Variants in CFTR observed in about 807,000 individuals in gnomAD.
The protein encoded by CFTR is cystic fibrosis transmembrane conductance regulator.
In CFTR, 181 loss-of-function variants were observed where a neutral mutation model predicts 171.6. The ratio of observed to expected loss-of-function variants is 1.05; its 90% CI spans 0.93 to 1.19. The LOEUF is 1.19. Among genes scored for constraint, CFTR ranks in the 50% most tolerant of loss-of-function variants. The pLI is 0.00. For synonymous variants in CFTR, 583 were observed against 608.0 expected, an observed-to-expected ratio of 0.96 and a Z score of 0.60; for missense variants, 1,968 against 1,734.7, an observed-to-expected ratio of 1.13 and a Z score of -2.39.
At position 117,559,460 on chromosome 7, in the gene CFTR, C is replaced by T; in HGVS notation, c.1393-4C>T. The T allele has an allele frequency of 6.3e-7, 1 of 1,591,128 alleles. No individual in the cohort carries two copies. ...GACCTAATAATGATGGGTTTTATTTCCAGACTTCACTTCTAATGGTGATTA... is the reference window on the plus strand; with the variant it reads ...GACCTAATAATGATGGGTTTTATTTTCAGACTTCACTTCTAATGGTGATTA... On this transcript the variant is annotated splice_region_variant and splice_polypyrimidine_tract_variant and intron_variant, in intron 10 of 26. Transcript: ENST00000003084.
At position 117,642,937 on chromosome 7, in the gene CFTR, G is replaced by A. The variant is rs187882732; in HGVS notation, c.3873+344G>A. ...ATCGCCAGGTTGAGAAATGCTTTGC[G>A]AGACATAACAGATGCTCCTGAAATA... On this transcript the variant is annotated intron_variant, in intron 23 of 26. Coordinates refer to ENST00000003084, the MANE Select transcript of CFTR (RefSeq NM_000492.4). Among the ~76,000 whole-genome samples, 365 of 152,254 alleles carry A rather than the reference G, an allele frequency of 2.4e-3. 1 individual carries two copies. Among genetic ancestry groups the A allele is most frequent in the South Asian group, 5.2e-3 (25 of 4,828 alleles).
intron 21 of CFTR, among the ~76,000 whole-genome samples, chr7:117,621,914 C>T (rs951283837): frequency 6.6e-6 from 1 of 152,138 alleles, no homozygotes; most frequent in Non-Finnish European, 1.5e-5. Context: ...ACCATGTTTA[C>T]CAAAGTTCTT....
intron 21 of CFTR, 96 bp downstream of exon 21, chr7:117,614,809 G>A: frequency 2.6e-6 from 2 of 783,352 alleles, no homozygotes; most frequent in Non-Finnish European, 4.5e-6. Flanking sequence ...ACCGTATATT[G>A]AGCTTAAGAA....
chr7:117,522,745 A>G (rs1030686716), intron 3 of CFTR, among the ~76,000 whole-genome samples: 5 of 152,172 alleles, frequency 3.3e-5, no homozygotes, highest in Non-Finnish European at 7.3e-5. Flanking sequence ...TATAGGGACT[A>G]TGTTTCTCCC....
At chr7:117,567,679 A>G (rs1409271293) in intron 11 of CFTR, among the ~76,000 whole-genome samples, 1 of 152,218 alleles carries the variant, frequency 6.6e-6, no homozygotes, top group Non-Finnish European at 1.5e-5. Flanking sequence ...TATGATTTAC[A>G]GATATTTGGG....
At chr7:117,618,909 A>G (rs1230582320) in intron 21 of CFTR, among the ~76,000 whole-genome samples, 1 of 152,178 alleles carries the variant, frequency 6.6e-6, no homozygotes, top group East Asian at 1.9e-4. Context: ...GGAACACCCC[A>G]TGTTAGGGGA....
intron 22 of CFTR, among the ~76,000 whole-genome samples, chr7:117,631,278 C>T (rs1244243137): frequency 2.0e-5 from 3 of 152,140 alleles, no homozygotes; most frequent in African/African-American, 2.4e-5. Context: ...GCTACAGGAG[C>T]ATCTTTTGTT....
intron 12 of CFTR, among the ~76,000 whole-genome samples, chr7:117,588,174 G>A (rs568031379): frequency 2.0e-4 from 30 of 152,076 alleles, no homozygotes; most frequent in African/African-American, 7.2e-4. Context: ...CATAGACCCT[G>A]CCACTCCAAT....
At chr7:117,510,358 G>T (rs1282321037) in intron 3 of CFTR, among the ~76,000 whole-genome samples, 1 of 152,042 alleles carries the variant, frequency 6.6e-6, no homozygotes, top group Non-Finnish European at 1.5e-5. Context: ...TAGAAAATAA[G>T]TTTTGCTGGT....
intron 1 of CFTR, among the ~76,000 whole-genome samples, chr7:117,491,360 A>C (rs1249843472): frequency 6.6e-6 from 1 of 152,008 alleles, no homozygotes; most frequent in African/African-American, 2.4e-5. Context: ...GCATCATCCT[A>C]ACGTGGAATT....
chr7:117,564,190 A>G (rs1246441663), intron 11 of CFTR, among the ~76,000 whole-genome samples: 1 of 152,212 alleles, frequency 6.6e-6, no homozygotes. Flanking sequence ...TGTCAGTTGC[A>G]AAAAGTTTGC....
At chr7:117,533,978 G>T (rs528041536) in intron 4 of CFTR, among the ~76,000 whole-genome samples, 1 of 151,958 alleles carries the variant, frequency 6.6e-6, no homozygotes, top group African/African-American at 2.4e-5. Context: ...AAAAACTCCC[G>T]CACAATATCA....
chr7:117,542,605 A>C (rs1799075682), intron 9 of CFTR, among the ~76,000 whole-genome samples: 1 of 152,186 alleles, frequency 6.6e-6, no homozygotes. Flanking sequence ...TAAATGCAAT[A>C]TAAAAGCTTT....
chr7:117,550,588 A>C (rs1316214581), intron 10 of CFTR, among the ~76,000 whole-genome samples: 1 of 152,202 alleles, frequency 6.6e-6, no homozygotes, highest in East Asian at 1.9e-4. Flanking sequence ...GGTCTAAACA[A>C]GGATGTTTAT....
intron 22 of CFTR, among the ~76,000 whole-genome samples, chr7:117,628,877 C>G (rs909238561): frequency 3.3e-5 from 5 of 151,722 alleles, no homozygotes; most frequent in African/African-American, 1.2e-4. Context: ...CCTGGGGTCG[C>G]CAAGATGAAT....
chr7:117,659,267 C>A (rs1173303043), intron 24 of CFTR, among the ~76,000 whole-genome samples: 2 of 152,168 alleles, frequency 1.3e-5, no homozygotes, highest in African/African-American at 4.8e-5. Flanking sequence ...TACCCTATAA[C>A]TCCACCCCTT....
rs1239591462 is a variant in CFTR at position 117,610,681 on chromosome 7, A to C, written c.3139+12A>C. Reference sequence around the variant, plus strand: ...ACTGGAATCTGAAGGTATGACAGTGAATGTGCGATACTCATCTTGTAAAAA... The same window carrying C: ...ACTGGAATCTGAAGGTATGACAGTGCATGTGCGATACTCATCTTGTAAAAA... On this transcript the variant is annotated intron_variant, in intron 19 of 26. Transcript: ENST00000003084. 1.9e-6 allele frequency: 3 copies of C among 1,612,712 alleles called. No homozygotes were observed. The South Asian group carries it at 3.3e-5, about 18-fold the overall frequency.
intron 11 of CFTR, among the ~76,000 whole-genome samples, chr7:117,573,770 A>T (rs1791729711): frequency 6.6e-6 from 1 of 152,162 alleles, no homozygotes; most frequent in Non-Finnish European, 1.5e-5. Context: ...TTAATTGAAC[A>T]CAATATTAAA....
At chr7:117,637,437 T>A (rs1336532671) in intron 22 of CFTR, among the ~76,000 whole-genome samples, 1 of 152,124 alleles carries the variant, frequency 6.6e-6, no homozygotes, top group Non-Finnish European at 1.5e-5. Context: ...GAAGTGTTTT[T>A]TCACCCCTTT....
Sources: allele counts gnomAD v4.1 joint callset (sites outside exome capture counted in the v4.1 genomes callset), GRCh38; gene constraint gnomAD v4.1.1; transcripts MANE v1.5; gene names NCBI Gene and HGNC (gene_info 2026-07-23, HGNC 2026-07-21).